The following SRGN variants were observed in gnomAD, a reference collection of about 807,000 sequenced individuals.
SRGN encodes the protein serglycin.
A neutral mutation model predicts 9.5 loss-of-function variants in SRGN; 2 were observed. That is an observed-to-expected ratio of 0.21 (90% CI 0.09 to 0.66). The LOEUF (loss-of-function observed/expected upper bound fraction) is 0.66, where lower values mean the gene tolerates loss of function less well. Ranked by LOEUF, SRGN falls within the 30% of genes least tolerant of loss-of-function variation. The probability of loss-of-function intolerance (pLI) is 0.83; values close to 1 mark genes in which losing one functional copy is unlikely to be tolerated. For missense variants in SRGN, 170 were observed against 192.4 expected, an observed-to-expected ratio of 0.88 and a Z score of 0.69; for synonymous variants, 59 against 72.3, an observed-to-expected ratio of 0.82 and a Z score of 0.93.
intron 2 of SRGN, among the ~76,000 whole-genome samples, chr10:69,100,270 A>G (rs961681041): frequency 6.6e-6 from 1 of 151,978 alleles, no homozygotes; most frequent in African/African-American, 2.4e-5. Context: ...CTAGCCATGC[A>G]TGCCTGTGGT....
At chr10:69,092,977 A>G (rs1429130608) in intron 1 of SRGN, among the ~76,000 whole-genome samples, 3 of 152,146 alleles carry the variant, frequency 2.0e-5, no homozygotes, top group Non-Finnish European at 4.4e-5. Context: ...TTTTTTACTA[A>G]TATGCTACAG....
At chr10:69,090,108 G>A (rs922764367) in intron 1 of SRGN, among the ~76,000 whole-genome samples, 7 of 152,110 alleles carry the variant, frequency 4.6e-5, no homozygotes, top group Non-Finnish European at 8.8e-5. Context: ...CGGGCTCAAG[G>A]GCTTGTGCCC....
At position 69,088,184 on chromosome 10, in the gene SRGN, T is replaced by C; in HGVS notation, c.27T>C (p.Ser9=). MMQKLLKC[S]RLVLALALIL... ...TGATGCAGAAGCTACTCAAATGCAG[T>C]CGGCTTGTCCTGGCTCTTGCCCTCA... The change falls in exon 1 of 3, where the codon AGT becomes AGC. Residue 9 remains serine, a synonymous_variant. Transcript: ENST00000242465. The C allele has an allele frequency of 6.2e-7, 1 of 1,614,208 alleles. No homozygotes were observed. The highest frequency in any genetic ancestry group is 8.5e-7 in the Non-Finnish European group (1 of 1,180,038).
rs189161705 is a variant in SRGN at position 69,104,800 on chromosome 10, A to G, written c.*680A>G. On this transcript the variant is annotated 3_prime_UTR_variant, in exon 3 of 3. Transcript: ENST00000242465. ...TACTATATATTAAAGCAGAAATATA[A>G]CCAAAGGTTAAGCTGTCTCGGATCT... 1.4e-4 allele frequency: 22 copies of G among 152,334 alleles called. No individual in the cohort carries two copies. The highest frequency in any genetic ancestry group is 5.3e-4 in the African/African-American group (22 of 41,572). 9.4% of individuals were successfully genotyped at this position (152,334 alleles called of 1,614,324 possible). A position where few individuals can be genotyped will look rare whatever the true frequency, so the allele number is the denominator to read the frequency against.
Position 69,088,133 on chromosome 10 carries a change from C to T in SRGN, c.-25C>T, listed in dbSNP as rs1839974822. On this transcript the variant is annotated 5_prime_UTR_variant, in exon 1 of 3. Coordinates refer to ENST00000242465, the MANE Select transcript of SRGN (RefSeq NM_002727.4). ...TCCTAATCAAGAAGTTGGCGTGCAG[C>T]TGGGAGAGCTAGACTAAGTTGGTCA... 6.2e-7 allele frequency: 1 copy of T among 1,608,008 alleles called. No homozygotes were observed. Among genetic ancestry groups the T allele is most frequent in the Non-Finnish European group, 8.5e-7 (1 of 1,174,588 alleles).
At chr10:69,102,904 T>G (rs999507325) in intron 2 of SRGN, among the ~76,000 whole-genome samples, 1 of 152,196 alleles carries the variant, frequency 6.6e-6, no homozygotes, top group African/African-American at 2.4e-5. Flanking sequence ...AAATGTCATC[T>G]GTTTGGGCTG....
At chr10:69,103,702 G>A (rs1282606874) in intron 2 of SRGN, among the ~76,000 whole-genome samples, 169 bp from the exon 3 acceptor site, 1 of 152,062 alleles carries the variant, frequency 6.6e-6, no homozygotes, top group Admixed American at 6.6e-5. Flanking sequence ...CATTTGACCT[G>A]TTTTTTTGTT....
chr10:69,090,176 C>T (rs188484723), intron 1 of SRGN, among the ~76,000 whole-genome samples: 11 of 152,254 alleles, frequency 7.2e-5, no homozygotes, highest in South Asian at 4.1e-4. Context: ...TGAGTGACTG[C>T]GGCACAAGGC....
At chr10:69,091,879 C>CAAAAAAAAAAA (rs1177012248) in intron 1 of SRGN, among the ~76,000 whole-genome samples, 779 of 31,654 alleles carry the variant, frequency 0.025, 59 homozygotes, top group Non-Finnish European at 0.029. Flanking sequence ...GACTCTGTCT[C>CAAAAAAAAAAA]AAAAAAAAAA....
upstream of SRGN, among the ~76,000 whole-genome samples, chr10:69,087,647 C>T (rs1371906153): frequency 8.6e-5 from 13 of 151,616 alleles, no homozygotes; most frequent in Non-Finnish European, 2.9e-5. Context: ...ACTTCACGAG[C>T]TTGGCTCAGT....
At chr10:69,088,083 G>A, upstream of SRGN, 1 of 1,276,024 alleles carries the variant, frequency 7.8e-7, no homozygotes, top group Non-Finnish European at 1.1e-6. Flanking sequence ...TTTTCTAAAA[G>A]GGACAGAGAG....
intron 1 of SRGN, among the ~76,000 whole-genome samples, chr10:69,091,338 C>G (rs1698969621): frequency 1.3e-5 from 2 of 152,194 alleles, no homozygotes; most frequent in South Asian, 4.2e-4. Flanking sequence ...TGACCGTAGC[C>G]CTTGCTATAA....
Position 69,104,566 on chromosome 10 carries a change from G to C in SRGN, c.*446G>C, listed in dbSNP as rs1840361302. ...ATGAAACACAGTGAATTTGTAGAGT[G>C]GGGGTATTTGACATATTTTACAGGG... On this transcript the variant is annotated 3_prime_UTR_variant, in exon 3 of 3. Transcript: ENST00000242465. 6.4e-6 allele frequency: 1 copy of C among 155,888 alleles called. No homozygotes were observed. The highest frequency in any genetic ancestry group is 2.4e-5 in the African/African-American group (1 of 41,414). 9.7% of individuals were successfully genotyped at this position (155,888 alleles called of 1,614,324 possible).
chr10:69,102,884 A>G (rs748961519), intron 2 of SRGN, among the ~76,000 whole-genome samples: 1 of 152,202 alleles, frequency 6.6e-6, no homozygotes, highest in Non-Finnish European at 1.5e-5. Flanking sequence ...GGAAATTTTA[A>G]TTTAGGAAAA....
In SRGN at chr10:69,104,372, T is replaced by A. The variant is rs933113830; in HGVS notation, c.*252T>A. On this transcript the variant is annotated 3_prime_UTR_variant, in exon 3 of 3. Coordinates refer to ENST00000242465, the MANE Select transcript of SRGN (RefSeq NM_002727.4). ...TGTTCAACCAACATCATTATGAAAT[T>A]AATTAGATTCCCATGGCCATAAAAT... is the stretch of plus-strand genomic sequence containing the variant. The A allele has an allele frequency of 2.8e-5, 8 of 287,370 alleles. No individual in the cohort carries two copies. Among genetic ancestry groups the A allele is most frequent in the Non-Finnish European group, 4.5e-5 (7 of 156,508 alleles). The allele number at this position is 287,370 out of a possible 1,614,324, so 17.8% of individuals were successfully genotyped here. A position where few individuals can be genotyped will look rare whatever the true frequency, so the allele number is the denominator to read the frequency against.
At chr10:69,098,030 CAT>C (rs1474412239) in intron 2 of SRGN, among the ~76,000 whole-genome samples, 1 of 152,166 alleles carries the variant, frequency 6.6e-6, no homozygotes, top group Non-Finnish European at 1.5e-5. Context: ...TGGCATATGA[CAT>C]GTGCGAGTAT....
intron 2 of SRGN, among the ~76,000 whole-genome samples, chr10:69,099,573 G>A (rs763780826): frequency 2.6e-5 from 4 of 151,924 alleles, no homozygotes; most frequent in East Asian, 3.9e-4. Context: ...CCAAAGTGCC[G>A]GAATTACAGT....
At chr10:69,099,790 A>C (rs567855151) in intron 2 of SRGN, among the ~76,000 whole-genome samples, 13 of 152,330 alleles carry the variant, frequency 8.5e-5, no homozygotes, top group Admixed American at 2.0e-4. Context: ...CATTGGTTTC[A>C]ATAGTAATTC....
intron 1 of SRGN, among the ~76,000 whole-genome samples, chr10:69,094,020 G>C (rs1840122450): frequency 6.6e-6 from 1 of 152,116 alleles, no homozygotes; most frequent in Admixed American, 6.5e-5. Context: ...TTCATGACAG[G>C]AACTAGCAAT....
Sources: gnomAD v4.1 joint callset for allele counts (sites outside exome capture counted in the v4.1 genomes callset) on GRCh38, gnomAD v4.1.1 for gene constraint, MANE v1.5 for transcripts, NCBI Gene and HGNC (gene_info 2026-07-23, HGNC 2026-07-21) for gene names.